The following RIMS2 variants were observed in gnomAD, a reference collection of about 807,000 sequenced individuals.
RIMS2 encodes the protein regulating synaptic membrane exocytosis 2.
A neutral mutation model predicts 174.4 loss-of-function variants in RIMS2; 59 were observed. The observed-to-expected ratio is 0.34, with a 90% confidence interval of 0.27 to 0.42. The LOEUF (loss-of-function observed/expected upper bound fraction) is 0.42. RIMS2 is among the 10% of genes least tolerant of loss of function. The probability of loss-of-function intolerance (pLI) is 1.00; values close to 1 mark genes in which losing one functional copy is unlikely to be tolerated. For synonymous variants in RIMS2, 606 were observed against 572.5 expected, an observed-to-expected ratio of 1.06 and a Z score of -0.84; for missense variants, 1,620 against 1,666.3, an observed-to-expected ratio of 0.97 and a Z score of 0.48.
At chr8:103,728,999 G>A (rs2097560022) in intron 2 of RIMS2, among the ~76,000 whole-genome samples, 1 of 151,736 alleles carries the variant, frequency 6.6e-6, no homozygotes, top group Non-Finnish European at 1.5e-5. Flanking sequence ...GAGAATTTTT[G>A]CATCAATGTT....
chr8:104,166,089 CAG>C (rs1470871401), intron 19 of RIMS2, among the ~76,000 whole-genome samples: 27 of 117,730 alleles, frequency 2.3e-4, no homozygotes, highest in Non-Finnish European at 4.0e-4. Flanking sequence ...TTTTTTGAGA[CAG>C]AGTCTCGCTC....
At chr8:103,950,981 A>C (rs1448598720) in intron 14 of RIMS2, among the ~76,000 whole-genome samples, 1 of 152,232 alleles carries the variant, frequency 6.6e-6, no homozygotes, top group Admixed American at 6.5e-5. Flanking sequence ...AACAATTGAA[A>C]ATTGAAAAAT....
intron 3 of RIMS2, among the ~76,000 whole-genome samples, chr8:103,830,921 A>C (rs2098821842): frequency 6.6e-6 from 1 of 151,894 alleles, no homozygotes; most frequent in African/African-American, 2.4e-5. Context: ...CAATCCTCCC[A>C]CCTCAGCCTC....
intron 1 of RIMS2, among the ~76,000 whole-genome samples, chr8:103,547,456 A>C (rs1845656716): frequency 6.6e-6 from 1 of 152,236 alleles, no homozygotes; most frequent in African/African-American, 2.4e-5. Context: ...ATTCTTTGAA[A>C]CTAATAAGAA....
At chr8:103,512,888 A>C (rs73282838) in intron 1 of RIMS2, among the ~76,000 whole-genome samples, 4 of 152,186 alleles carry the variant, frequency 2.6e-5, no homozygotes, top group Non-Finnish European at 5.9e-5. Context: ...CTCAAACTAG[A>C]CAATGAGCTT....
intron 1 of RIMS2, among the ~76,000 whole-genome samples, chr8:103,543,404 A>C (rs1843437967): frequency 1.3e-5 from 2 of 152,226 alleles, no homozygotes; most frequent in African/African-American, 4.8e-5. Flanking sequence ...ATGAATTAGA[A>C]GAATTAATAT....
intron 16 of RIMS2, among the ~76,000 whole-genome samples, chr8:103,980,397 G>C (rs1448710911): frequency 6.6e-6 from 1 of 152,110 alleles, no homozygotes; most frequent in African/African-American, 2.4e-5. Context: ...GCTGAATAAA[G>C]ACCCCCTGGG....
At chr8:104,196,334 C>T (rs1404528630) in intron 19 of RIMS2, among the ~76,000 whole-genome samples, 1 of 152,080 alleles carries the variant, frequency 6.6e-6, no homozygotes, top group African/African-American at 2.4e-5. Context: ...CTTTGAATAA[C>T]CTTACGAAAC....
intron 1 of RIMS2, among the ~76,000 whole-genome samples, chr8:103,518,720 G>A (rs1239353662): frequency 6.6e-6 from 1 of 151,912 alleles, no homozygotes; most frequent in African/African-American, 2.4e-5. Context: ...GATAGTGATA[G>A]GGCCTGTTAT....
intron 19 of RIMS2, among the ~76,000 whole-genome samples, chr8:104,053,241 T>C (rs2154559129): frequency 6.6e-6 from 1 of 152,338 alleles, no homozygotes; most frequent in Middle Eastern, 3.4e-3. Context: ...GAACTCAATA[T>C]TGGAGATATA....
At chr8:103,711,355 CA>C (rs2097301073) in intron 2 of RIMS2, among the ~76,000 whole-genome samples, 1 of 152,252 alleles carries the variant, frequency 6.6e-6, no homozygotes, top group East Asian at 1.9e-4. Context: ...TTCATTCAGG[CA>C]ACAGATTTTT....
intron 1 of RIMS2, among the ~76,000 whole-genome samples, chr8:103,567,399 A>G (rs1481982725): frequency 6.6e-6 from 1 of 152,192 alleles, no homozygotes; most frequent in Non-Finnish European, 1.5e-5. Context: ...TCATTACTTT[A>G]TATAAATGGA....
chr8:104,106,919 T>C (rs2098080858), intron 19 of RIMS2, among the ~76,000 whole-genome samples: 1 of 152,192 alleles, frequency 6.6e-6, no homozygotes, highest in Non-Finnish European at 1.5e-5. Context: ...AGTATTATTG[T>C]TAGATGCCAT....
intron 19 of RIMS2, among the ~76,000 whole-genome samples, chr8:104,070,605 G>A (rs1432331484): frequency 6.6e-6 from 1 of 151,948 alleles, no homozygotes; most frequent in Admixed American, 6.5e-5. Context: ...GTTTTTTTAT[G>A]CTGTAGTCTC....
intron 1 of RIMS2, among the ~76,000 whole-genome samples, chr8:103,567,503 T>C (rs994823442): frequency 3.3e-5 from 5 of 152,232 alleles, no homozygotes; most frequent in Non-Finnish European, 7.3e-5. Context: ...TATAGTACTT[T>C]TTGTTTTCTT....
At chr8:103,899,933 C>T (rs1244582892) in intron 4 of RIMS2, among the ~76,000 whole-genome samples, 1 of 151,692 alleles carries the variant, frequency 6.6e-6, no homozygotes, top group African/African-American at 2.4e-5. Context: ...CAGCTTTCTA[C>T]CTATGGCTAG....
intron 19 of RIMS2, among the ~76,000 whole-genome samples, chr8:104,044,810 G>A (rs1176044496): frequency 6.6e-6 from 1 of 151,606 alleles, no homozygotes; most frequent in Non-Finnish European, 1.5e-5. Context: ...AACCAGCATT[G>A]TGTTTTGGAT....
At chr8:104,203,790 C>G (rs935759973) in intron 19 of RIMS2, among the ~76,000 whole-genome samples, 1 of 152,106 alleles carries the variant, frequency 6.6e-6, no homozygotes, top group African/African-American at 2.4e-5. Flanking sequence ...AGGTGTGAGC[C>G]ACAGTGCCTG....
chr8:103,780,977 C>T (rs1306352497), intron 3 of RIMS2, among the ~76,000 whole-genome samples: 1 of 151,836 alleles, frequency 6.6e-6, no homozygotes, highest in Non-Finnish European at 1.5e-5. Flanking sequence ...CCAAAGTTTG[C>T]CTGGCTGTAG....
Sources: allele counts gnomAD v4.1 joint callset (sites outside exome capture counted in the v4.1 genomes callset), GRCh38; gene constraint gnomAD v4.1.1; transcripts MANE v1.5; gene names NCBI Gene and HGNC (gene_info 2026-07-23, HGNC 2026-07-21).